The following ZC3H7A variants were observed in gnomAD, a reference collection of about 807,000 sequenced individuals.
ZC3H7A encodes zinc finger CCCH-type containing 7A, also known as zinc finger CCCH domain-containing protein 7A.
In ZC3H7A, 44 loss-of-function variants were observed where a neutral mutation model predicts 125.5. The ratio of observed to expected loss-of-function variants is 0.35; its 90% CI spans 0.28 to 0.45. The LOEUF (loss-of-function observed/expected upper bound fraction) is 0.45, where lower values mean the gene tolerates loss of function less well. ZC3H7A is among the 20% of genes least tolerant of loss of function. The probability of loss-of-function intolerance (pLI) is 1.00; values close to 1 mark genes in which losing one functional copy is unlikely to be tolerated. For synonymous variants in ZC3H7A, 399 were observed against 391.2 expected (o/e 1.02, Z -0.23); for missense variants, 977 against 1,170.7 (o/e 0.83, Z 2.41).
In ZC3H7A at chr16:11,765,783, G is replaced by C. The variant is rs115949552; in HGVS notation, c.1523-98C>G. The C allele has an allele frequency of 8.3e-7, 1 of 1,202,550 alleles. No individual in the cohort carries two copies. Among genetic ancestry groups the C allele is most frequent in the African/African-American group, 1.5e-5 (1 of 65,970 alleles). The allele number at this position is 1,202,550 out of a possible 1,614,324, so 74.5% of individuals were successfully genotyped here. A position where few individuals can be genotyped will look rare whatever the true frequency, so the allele number is the denominator to read the frequency against. Reference sequence around the variant, plus strand: ...GAGGTGGGAGGATCCCTTGAGCCCAGGAGTTCAAGGCTGCGGTGAGCAATG... The same window carrying C: ...GAGGTGGGAGGATCCCTTGAGCCCACGAGTTCAAGGCTGCGGTGAGCAATG... On this transcript the variant is annotated intron_variant, in intron 13 of 22. Coordinates refer to ENST00000355758, the MANE Select transcript of ZC3H7A (RefSeq NM_014153.4). The surrounding 1 kb of genome is among the most constrained non-coding windows in gnomAD (Gnocchi z 4.8).
At chr16:11,797,080 C>A (rs1242236558) in intron 1 of ZC3H7A, 44 bp downstream of exon 1, 1 of 137,468 alleles carries the variant, frequency 7.3e-6, no homozygotes, top group South Asian at 1.8e-4. Context: ...GGGGCGCGGG[C>A]GCGCGCGTTT....
intron 1 of ZC3H7A, among the ~76,000 whole-genome samples, chr16:11,794,525 G>GA (rs2053402427): frequency 6.6e-6 from 1 of 151,900 alleles, no homozygotes; most frequent in Admixed American, 6.6e-5. Flanking sequence ...GGATTCTGGA[G>GA]AAAAATATTT....
rs749691344 is a variant in ZC3H7A, at chr16:11,775,372, GA to G, written c.586-360del. Among the ~76,000 whole-genome samples, 364 of 126,762 alleles carry G rather than the reference GA, an allele frequency of 2.9e-3. 3 individuals are homozygous for G. The South Asian group carries it at 0.029, about 10-fold the overall frequency. 83.2% of individuals were successfully genotyped at this position (126,762 alleles called of 152,430 possible). A position where few individuals can be genotyped will look rare whatever the true frequency, so the allele number is the denominator to read the frequency against. ...GGTGACAGAGCGAGACTCTGTCTTG[GA>G]AAAAAAAAAAAAAGAAAAAAAGAAA... On this transcript the variant is annotated intron_variant, in intron 7 of 22. Transcript: ENST00000355758.
At chr16:11,792,215 T>TA (rs1381472548) in intron 1 of ZC3H7A, among the ~76,000 whole-genome samples, 1 of 152,214 alleles carries the variant, frequency 6.6e-6, no homozygotes, top group Non-Finnish European at 1.5e-5. Flanking sequence ...CAAGGAGAGA[T>TA]ACTTTGAACA....
intron 1 of ZC3H7A, among the ~76,000 whole-genome samples, chr16:11,783,728 T>C (rs1173479292): frequency 6.6e-6 from 1 of 152,244 alleles, no homozygotes; most frequent in Non-Finnish European, 1.5e-5. Flanking sequence ...AGTACATTGC[T>C]GAAATTTTTT....
chr16:11,758,867 G>T, intron 19 of ZC3H7A: 1 of 260,520 alleles, frequency 3.8e-6, no homozygotes, highest in South Asian at 4.3e-5. Context: ...CAGTCTGACA[G>T]CTCCTGTTTC....
chr16:11,763,064 G>A (rs547351155), intron 16 of ZC3H7A: 5 of 285,904 alleles, frequency 1.7e-5, no homozygotes, highest in South Asian at 1.4e-4. Context: ...AATCAATAGC[G>A]TCACCACATC....
At chr16:11,773,861 C>T (rs1180361755) in intron 9 of ZC3H7A, among the ~76,000 whole-genome samples, 7 of 151,546 alleles carry the variant, frequency 4.6e-5, no homozygotes, top group Non-Finnish European at 1.0e-4. Context: ...CCAGCCTGGG[C>T]AACAGAGCAA....
intron 3 of ZC3H7A, among the ~76,000 whole-genome samples, chr16:11,780,584 TG>T (rs1188549419): frequency 6.6e-6 from 1 of 152,212 alleles, no homozygotes; most frequent in African/African-American, 2.4e-5. Context: ...ACTCGTGACA[TG>T]CCACTTAACA....
chr16:11,793,792 T>C (rs8061475), intron 1 of ZC3H7A, among the ~76,000 whole-genome samples: 119,327 of 152,140 alleles, frequency 0.78, 47,298 homozygotes, highest in Non-Finnish European at 0.85. Flanking sequence ...GAAGCTCCTA[T>C]TGGATACTTT....
intron 4 of ZC3H7A, among the ~76,000 whole-genome samples, chr16:11,777,977 C>A (rs1422403311): frequency 1.3e-5 from 2 of 150,372 alleles, no homozygotes; most frequent in Non-Finnish European, 3.0e-5. Flanking sequence ...CAAGATTGTG[C>A]CATTGCACTC....
intron 1 of ZC3H7A, among the ~76,000 whole-genome samples, chr16:11,795,901 C>G (rs527695443): frequency 2.2e-4 from 33 of 152,292 alleles, no homozygotes; most frequent in Non-Finnish European, 4.1e-4. Flanking sequence ...CTCCTGGGCT[C>G]AAGGGATTCT....
At chr16:11,768,534 A>AC (rs397747416) in intron 11 of ZC3H7A, 33 bp from the exon 12 acceptor site, 2 of 1,427,230 alleles carry the variant, frequency 1.4e-6, no homozygotes, top group East Asian at 2.3e-5. Context: ...AAAAAAAAAA[A>AC]CAGCCAACAA....
intron 9 of ZC3H7A, among the ~76,000 whole-genome samples, chr16:11,773,726 C>A (rs1450724077): frequency 2.0e-5 from 3 of 151,422 alleles, no homozygotes; most frequent in African/African-American, 7.3e-5. Context: ...ACTAAAAATA[C>A]AAAAAAATTA....
chr16:11,776,371 A>C lies in ZC3H7A; in HGVS notation c.547-13T>G, dbSNP rs760919830. 1 of 1,608,906 alleles carries C rather than the reference A, an allele frequency of 6.2e-7. No homozygotes were observed. Among genetic ancestry groups the C allele is most frequent in the African/African-American group, 1.3e-5 (1 of 74,610 alleles). On this transcript the variant is annotated splice_polypyrimidine_tract_variant and intron_variant, in intron 6 of 22. Transcript: ENST00000355758. ...ATTTTAATGAGAGCTGAAATAAAAT[A>C]AAGACACTAATTTAAAAACAGAACT...
chr16:11,786,023 G>A (rs1307267854), intron 1 of ZC3H7A, among the ~76,000 whole-genome samples: 1 of 152,208 alleles, frequency 6.6e-6, no homozygotes, highest in Non-Finnish European at 1.5e-5. Flanking sequence ...AGCAGTAGTA[G>A]AAGACTGAGG....
At chr16:11,785,587 A>G (rs2053245158) in intron 1 of ZC3H7A, among the ~76,000 whole-genome samples, 1 of 151,778 alleles carries the variant, frequency 6.6e-6, no homozygotes, top group Non-Finnish European at 1.5e-5. Flanking sequence ...AAAAAAAAAA[A>G]GATGAGGCAT....
chr16:11,767,703 C>T, intron 12 of ZC3H7A, 125 bp from the exon 13 acceptor site: 1 of 948,476 alleles, frequency 1.1e-6, no homozygotes, highest in Non-Finnish European at 1.5e-6. Context: ...AATCCCACTT[C>T]CACAACCCTA....
At chr16:11,779,860 T>C (rs2053145033) in intron 3 of ZC3H7A, among the ~76,000 whole-genome samples, 2 of 128,612 alleles carry the variant, frequency 1.6e-5, no homozygotes, top group East Asian at 5.4e-4. Flanking sequence ...GAAAATGGTA[T>C]CGTTTTGTGT....
Sources: gnomAD v4.1 joint callset for allele counts (sites outside exome capture counted in the v4.1 genomes callset) on GRCh38, gnomAD v4.1.1 for gene constraint, Gnocchi (gnomAD v3.1) non-coding constraint, MANE v1.5 for transcripts, NCBI Gene and HGNC (gene_info 2026-07-23, HGNC 2026-07-21) for gene names.